Variants in DCTN5 observed in about 807,000 individuals in gnomAD.
DCTN5 encodes the protein dynactin subunit 5.
A neutral mutation model predicts 23.5 loss-of-function variants in DCTN5; 14 were observed. The observed-to-expected ratio is 0.60, with a 90% CI of 0.39 to 0.93. The LOEUF is 0.93. Among genes scored for constraint, DCTN5 ranks in the 40% least tolerant of loss-of-function variants. The pLI, the probability that DCTN5 is intolerant of heterozygous loss-of-function variation, is 0.00. For synonymous variants in DCTN5, 67 were observed against 79.6 expected (o/e 0.84, Z 0.84); for missense variants, 156 against 225.9 (o/e 0.69, Z 1.98).
rs1046461077 is a variant in DCTN5 at position 23,676,757 on chromosome 16, G to A, written c.*9613G>A. The A allele has an allele frequency of 1.3e-5, 2 of 152,238 alleles. No individual in the cohort carries two copies. The highest frequency in any genetic ancestry group is 6.5e-5 in the Admixed American group (1 of 15,282). 9.4% of individuals were successfully genotyped at this position (152,238 alleles called of 1,614,324 possible). On this transcript the variant is annotated 3_prime_UTR_variant, in exon 6 of 6. Coordinates refer to ENST00000300087, the MANE Select transcript of DCTN5 (RefSeq NM_032486.4). The stretch of plus-strand genomic sequence containing the variant: ...TGCTGTAAAGAAGCCTCAATAAGGA[G>A]ATGGACTGTGTGAAAAGAGATGAGA...
At chr16:23,644,237 C>T (rs546015951) in intron 2 of DCTN5, among the ~76,000 whole-genome samples, 2 of 151,958 alleles carry the variant, frequency 1.3e-5, no homozygotes, top group Non-Finnish European at 2.9e-5. Flanking sequence ...AGGTGATTCT[C>T]CTGCCTCAGC....
rs180899113 is a variant in DCTN5 at position 23,660,132 on chromosome 16, T to C, written c.237-1038T>C. ...AAAATTAAAGAACTGTCAGTACTGCTACAGACTGTGATGAGATCAGGGAAT... is the reference window on the plus strand; with the variant it reads ...AAAATTAAAGAACTGTCAGTACTGCCACAGACTGTGATGAGATCAGGGAAT... On this transcript the variant is annotated intron_variant, in intron 3 of 5. Transcript: ENST00000300087. Among the ~76,000 whole-genome samples, 293 of 152,336 alleles carry C rather than the reference T, an allele frequency of 1.9e-3. 3 individuals carry two copies. The highest frequency in any genetic ancestry group is 6.9e-3 in the African/African-American group (285 of 41,562).
chr16:23,642,762 C>G, intron 1 of DCTN5, 193 bp from the exon 2 acceptor site: 1 of 573,478 alleles, frequency 1.7e-6, no homozygotes. Context: ...GCTGAGATTA[C>G]AGGCATGAGC....
In DCTN5 at chr16:23,671,838, C is replaced by T. The variant is rs1968012961; in HGVS notation, c.*4694C>T. 1 of 152,248 alleles carries T rather than the reference C, an allele frequency of 6.6e-6. No homozygotes were observed. Among genetic ancestry groups the T allele is most frequent in the Non-Finnish European group, 1.5e-5 (1 of 68,050 alleles). The allele number at this position is 152,248 out of a possible 1,614,324, so 9.4% of individuals were successfully genotyped here. On this transcript the variant is annotated 3_prime_UTR_variant, in exon 6 of 6. Coordinates refer to ENST00000300087, the MANE Select transcript of DCTN5 (RefSeq NM_032486.4). ...AGAGTTGGCACAGGACATCTTACTT[C>T]CCTGAAAACAGTACCTGGACTTTTC... is the stretch of plus-strand genomic sequence containing the variant.
rs985056812 is a variant in DCTN5 at position 23,676,296 on chromosome 16, G to A, written c.*9152G>A. ...GGCTGAGGTGGGCAGATCACCTGAG[G>A]TCAGGAGTTTGAGACCAGCCTGACC... On this transcript the variant is annotated 3_prime_UTR_variant, in exon 6 of 6. Transcript: ENST00000300087. 6.6e-6 allele frequency: 1 copy of A among 152,056 alleles called. No individual in the cohort carries two copies. Among genetic ancestry groups the A allele is most frequent in the African/African-American group, 2.4e-5 (1 of 41,386 alleles). The allele number at this position is 152,056 out of a possible 1,614,324, so 9.4% of individuals were successfully genotyped here. A position where few individuals can be genotyped will look rare whatever the true frequency, so the allele number is the denominator to read the frequency against.
Position 23,672,139 on chromosome 16 carries a change from A to G in DCTN5, c.*4995A>G, listed in dbSNP as rs1296698611. The G allele has an allele frequency of 6.6e-6, 1 of 152,200 alleles. No homozygotes were observed. The highest frequency in any genetic ancestry group is 2.4e-5 in the African/African-American group (1 of 41,458). 9.4% of individuals were successfully genotyped at this position (152,200 alleles called of 1,614,324 possible). A position where few individuals can be genotyped will look rare whatever the true frequency, so the allele number is the denominator to read the frequency against. ...CAGAGGAGTCTGGGAGAATGAGGAA[A>G]TATGAGAGCCCCAGGAACTGAAAAG... On this transcript the variant is annotated 3_prime_UTR_variant, in exon 6 of 6. Coordinates refer to ENST00000300087, the MANE Select transcript of DCTN5 (RefSeq NM_032486.4).
In DCTN5 at chr16:23,655,585, C is replaced by A. The variant is rs566993389; in HGVS notation, c.118-2922C>A. 1.3e-4 allele frequency among the ~76,000 whole-genome samples: 20 copies of A among 151,646 alleles called. 1 individual carries two copies. In the South Asian group the frequency reaches 4.0e-3, roughly 30 times the overall value. The stretch of plus-strand genomic sequence containing the variant: ...TTGAGGCACAGTCTTGCTCTGTCAC[C>A]CAGGTGGGAGTGCAGTGGTGTGATC... On this transcript the variant is annotated intron_variant, in intron 2 of 5. Transcript: ENST00000300087.
At chr16:23,646,488 T>C (rs952945494) in intron 2 of DCTN5, among the ~76,000 whole-genome samples, 7 of 152,196 alleles carry the variant, frequency 4.6e-5, no homozygotes, top group African/African-American at 1.7e-4. Flanking sequence ...TCCAAACTTA[T>C]GGCCATGAAG....
intron 2 of DCTN5, among the ~76,000 whole-genome samples, chr16:23,657,106 G>A (rs1239799004): frequency 6.6e-6 from 1 of 152,160 alleles, no homozygotes; most frequent in African/African-American, 2.4e-5. Context: ...ATGCCAGGGT[G>A]CTTCCAGAGT....
At chr16:23,662,704 A>G (rs1350893534) in intron 4 of DCTN5, among the ~76,000 whole-genome samples, 5 of 152,188 alleles carry the variant, frequency 3.3e-5, no homozygotes, top group African/African-American at 1.2e-4. Flanking sequence ...ACAAGGGGAA[A>G]GTTAGTAAAG....
At chr16:23,648,043 T>C (rs75447605) in intron 2 of DCTN5, among the ~76,000 whole-genome samples, 5,223 of 152,334 alleles carry the variant, frequency 0.034, 113 homozygotes, top group Middle Eastern at 0.095. Flanking sequence ...TCTTATAAAT[T>C]ATTTATTATT....
intron 2 of DCTN5, among the ~76,000 whole-genome samples, chr16:23,654,551 C>T (rs937885446): frequency 2.6e-5 from 4 of 152,084 alleles, no homozygotes; most frequent in African/African-American, 9.7e-5. Flanking sequence ...TACAACAAAC[C>T]TCCATGACAC....
intron 2 of DCTN5, chr16:23,650,756 A>C: frequency 2.0e-6 from 3 of 1,534,902 alleles, no homozygotes; most frequent in Non-Finnish European, 2.6e-6. Context: ...TCTCTTTCAG[A>C]ACTTTGTCAT....
chr16:23,642,932 G>C (rs772080456), intron 1 of DCTN5, 23 bp from the exon 2 acceptor site: 3 of 1,611,454 alleles, frequency 1.9e-6, no homozygotes, highest in Non-Finnish European at 2.5e-6. Context: ...TGCTTTCCCC[G>C]GTTTTCCGTT....
intron 3 of DCTN5, among the ~76,000 whole-genome samples, chr16:23,658,940 A>G (rs1967762162): frequency 6.6e-6 from 1 of 152,238 alleles, no homozygotes. Flanking sequence ...GGAATTGGAC[A>G]GCTAGCCGGA....
chr16:23,653,653 A>G (rs1967645213), intron 2 of DCTN5, among the ~76,000 whole-genome samples: 1 of 152,240 alleles, frequency 6.6e-6, no homozygotes, highest in Non-Finnish European at 1.5e-5. Context: ...CAAAGATTTC[A>G]TGATGAAGAT....
rs545594717 is a variant in DCTN5 at position 23,666,546 on chromosome 16, A to G, written c.452-501A>G. 57 of 159,194 alleles carry G rather than the reference A, an allele frequency of 3.6e-4. No homozygotes were observed. The South Asian group carries it at 5.8e-3, about 16-fold the overall frequency. 9.9% of individuals were successfully genotyped at this position (159,194 alleles called of 1,614,324 possible). A position where few individuals can be genotyped will look rare whatever the true frequency, so the allele number is the denominator to read the frequency against. On this transcript the variant is annotated intron_variant, in intron 5 of 5. Coordinates refer to ENST00000300087, the MANE Select transcript of DCTN5 (RefSeq NM_032486.4). The stretch of plus-strand genomic sequence containing the variant: ...CTCACATTCCCTTAGCCCTACCCCA[A>G]GACAGTATCTTCTTCTCCATGTTGT...
At chr16:23,649,043 A>G (rs1303627067) in intron 2 of DCTN5, among the ~76,000 whole-genome samples, 1 of 151,996 alleles carries the variant, frequency 6.6e-6, no homozygotes, top group African/African-American at 2.4e-5. Flanking sequence ...TATTTTTAGT[A>G]GAGACGAGGT....
At position 23,671,770 on chromosome 16, in the gene DCTN5, A is replaced by C. The variant is rs1028069127; in HGVS notation, c.*4626A>C. ...AAGCTTTTGCTGGTGGGCCAGCCCC[A>C]CCTGCTTTCCTTGTGCACTCTGACT... On this transcript the variant is annotated 3_prime_UTR_variant, in exon 6 of 6. Transcript: ENST00000300087. The C allele has an allele frequency of 3.9e-5, 6 of 152,384 alleles. No homozygotes were observed. The highest frequency in any genetic ancestry group is 3.4e-3 in the Middle Eastern group (1 of 294). The allele number at this position is 152,384 out of a possible 1,614,324, so 9.4% of individuals were successfully genotyped here. A position where few individuals can be genotyped will look rare whatever the true frequency, so the allele number is the denominator to read the frequency against.
Sources: allele counts gnomAD v4.1 joint callset (sites outside exome capture counted in the v4.1 genomes callset), GRCh38; gene constraint gnomAD v4.1.1; transcripts MANE v1.5; gene names NCBI Gene and HGNC (gene_info 2026-07-23, HGNC 2026-07-21).